The following MSTO1 variants were observed in gnomAD, a reference collection of about 807,000 sequenced individuals.
MSTO1 encodes misato mitochondrial distribution and morphology regulator 1.
A neutral mutation model predicts 55.7 loss-of-function variants in MSTO1; 24 were observed. The observed-to-expected ratio is 0.43, with a 90% CI of 0.31 to 0.61. The LOEUF (loss-of-function observed/expected upper bound fraction) is 0.61. Ranked by LOEUF, MSTO1 falls within the 20% of genes least tolerant of loss-of-function variation. MSTO1 has a pLI of 0.09. For synonymous variants in MSTO1, 162 were observed against 252.8 expected (o/e 0.64, Z 3.41); for missense variants, 363 against 625.7 (o/e 0.58, Z 4.48).
upstream of MSTO1, chr1:155,609,893 C>A: frequency 3.9e-6 from 1 of 257,788 alleles, no homozygotes; most frequent in Middle Eastern, 1.3e-3. Context: ...GCGGAGAGAT[C>A]TGTGAGAAGG....
the MSTO1 span, among the ~76,000 whole-genome samples, chr1:155,572,206 C>T: frequency 3.9e-4 from 59 of 152,214 alleles, no homozygotes; most frequent in Non-Finnish European, 7.8e-4. Context: ...CATACCTGGC[C>T]TCTACTCACT....
the MSTO1 span, among the ~76,000 whole-genome samples, chr1:155,577,017 A>G: frequency 4.9e-5 from 1 of 20,230 alleles, no homozygotes; most frequent in Admixed American, 4.5e-4. Context: ...CTCCGTCTCA[A>G]AAAAAAAAAA....
At chr1:155,606,192 C>T (rs1195472612), upstream of MSTO1, among the ~76,000 whole-genome samples, 1 of 138,628 alleles carries the variant, frequency 7.2e-6, no homozygotes, top group Non-Finnish European at 1.6e-5. Flanking sequence ...GGCCACCATG[C>T]CCAGCCTTTT....
At chr1:155,602,147 G>C in the MSTO1 span, 1 of 710,342 alleles carries the variant, frequency 1.4e-6, no homozygotes, top group Non-Finnish European at 2.7e-6. Context: ...TCAACCTTTA[G>C]AGGTTTCAAC....
At chr1:155,571,073 C>T in the MSTO1 span, among the ~76,000 whole-genome samples, 1 of 152,080 alleles carries the variant, frequency 6.6e-6, no homozygotes, top group African/African-American at 2.4e-5. Flanking sequence ...ATGTATAATC[C>T]CAGCACTTTA....
Position 155,612,171 on chromosome 1 carries a change from C to G in MSTO1, c.679-11C>G, listed in dbSNP as rs1477047792. Reference sequence around the variant, plus strand: ...CCTGCTAACTATCTTTTGTCACTCACCCCCGTCCAGGGCTTCCAGATCCTG... The same window carrying G: ...CCTGCTAACTATCTTTTGTCACTCAGCCCCGTCCAGGGCTTCCAGATCCTG... On this transcript the variant is annotated splice_polypyrimidine_tract_variant and intron_variant, in intron 7 of 13. Coordinates refer to ENST00000245564, the MANE Select transcript of MSTO1 (RefSeq NM_018116.4). 6.2e-7 allele frequency: 1 copy of G among 1,613,838 alleles called. No individual in the cohort carries two copies. Among genetic ancestry groups the G allele is most frequent in the Non-Finnish European group, 8.5e-7 (1 of 1,179,848 alleles).
chr1:155,567,043 T>C, the MSTO1 span, among the ~76,000 whole-genome samples: 1 of 152,098 alleles, frequency 6.6e-6, no homozygotes, highest in African/African-American at 2.4e-5. Context: ...ACTTGTTTTT[T>C]CTAAGATAAA....
chr1:155,605,586 G>C (rs1333065544), upstream of MSTO1, among the ~76,000 whole-genome samples: 2 of 152,184 alleles, frequency 1.3e-5, no homozygotes, highest in Non-Finnish European at 2.9e-5. Flanking sequence ...AGGATGGCTT[G>C]AGTCCTGGAG....
the MSTO1 span, among the ~76,000 whole-genome samples, chr1:155,599,878 G>A: frequency 6.6e-6 from 1 of 152,230 alleles, no homozygotes; most frequent in Admixed American, 6.5e-5. Context: ...ACATCTCAAT[G>A]CTTTACAAAG....
In MSTO1 at chr1:155,610,456, A is replaced by G. The variant is rs1038995915; in HGVS notation, c.116A>G (p.Lys39Arg). Residue 39 changes from lysine to arginine, a missense_variant, in exon 2 of 14, where the codon AAG becomes AGG. Lys to Arg is a conservative substitution (Grantham distance 26). This residue lies in a region of MSTO1 where 94 missense variants were observed against 212.4 expected (regional missense o/e 0.44). Transcript: ENST00000245564. ...DAALGRATDS[K>R]EPPGELCPDV... ...GCGCTGGGCCGAGCGACCGATTCCA[A>G]GGAGCCCCCGGGAGAGCTGTGCCCC... 10 of 833,346 alleles carry G rather than the reference A, an allele frequency of 1.2e-5. No homozygotes were observed. The Admixed American group carries it at 2.0e-4, about 16-fold the overall frequency. 51.6% of individuals were successfully genotyped at this position (833,346 alleles called of 1,614,324 possible). A position where few individuals can be genotyped will look rare whatever the true frequency, so the allele number is the denominator to read the frequency against.
the MSTO1 span, among the ~76,000 whole-genome samples, chr1:155,591,479 CT>C: frequency 6.6e-6 from 1 of 152,156 alleles, no homozygotes; most frequent in East Asian, 1.9e-4. Flanking sequence ...ATATATAAAA[CT>C]TTAAGAACTA....
At chr1:155,599,252 C>T in the MSTO1 span, among the ~76,000 whole-genome samples, 10 of 152,084 alleles carry the variant, frequency 6.6e-5, no homozygotes, top group South Asian at 1.9e-3. Flanking sequence ...ATGATTTCTT[C>T]GTGATATTAC....
upstream of MSTO1, among the ~76,000 whole-genome samples, chr1:155,609,116 C>T (rs1196877642): frequency 6.6e-6 from 1 of 150,944 alleles, no homozygotes; most frequent in Non-Finnish European, 1.5e-5. Flanking sequence ...CGTAAACTAC[C>T]GCACCCGGCC....
chr1:155,584,691 A>AAAAAAGAAAG, the MSTO1 span, among the ~76,000 whole-genome samples: 7 of 75,614 alleles, frequency 9.3e-5, no homozygotes, highest in African/African-American at 9.7e-5. Context: ...AAAAAAAAAA[A>AAAAAAGAAAG]AAAGAAAGAA....
chr1:155,573,311 C>T, the MSTO1 span, among the ~76,000 whole-genome samples: 2 of 152,134 alleles, frequency 1.3e-5, no homozygotes, highest in South Asian at 2.1e-4. Context: ...ATCTATAATC[C>T]CAGCACTTTG....
At chr1:155,579,777 A>T in the MSTO1 span, among the ~76,000 whole-genome samples, 1 of 152,158 alleles carries the variant, frequency 6.6e-6, no homozygotes, top group Admixed American at 6.6e-5. Flanking sequence ...TTCAATCCTT[A>T]GACTAGGTCG....
At chr1:155,576,393 C>G in the MSTO1 span, among the ~76,000 whole-genome samples, 1 of 152,004 alleles carries the variant, frequency 6.6e-6, no homozygotes, top group Non-Finnish European at 1.5e-5. Flanking sequence ...GTGACGCGAT[C>G]TCAGCTCACT....
At chr1:155,612,626 C>T (rs1273338165) in intron 9 of MSTO1, 56 bp downstream of exon 9, 1 of 1,548,502 alleles carries the variant, frequency 6.5e-7, no homozygotes, top group African/African-American at 1.4e-5. Flanking sequence ...TCCTCATGCT[C>T]CCAGTCAGCC....
rs1367428430 is a variant in MSTO1, at chr1:155,613,504, A to G, written c.1326A>G (p.Ala442=). ...CACCTCCACCCTCTGCCCTTCATGCATGTACCACTGGGGAAGAAATCTTGG... is the reference window on the plus strand; with the variant it reads ...CACCTCCACCCTCTGCCCTTCATGCGTGTACCACTGGGGAAGAAATCTTGG... ...PGTPPPSALH[A]CTTGEEILAQ... Residue 442 remains alanine (A), a synonymous_variant, in exon 12 of 14, where the codon GCA becomes GCG. Transcript: ENST00000245564. 8 of 1,613,740 alleles carry G rather than the reference A, an allele frequency of 5.0e-6. No individual in the cohort carries two copies. The highest frequency in any genetic ancestry group is 1.6e-4 in the Middle Eastern group (1 of 6,084).
Sources: allele counts gnomAD v4.1 joint callset (sites outside exome capture counted in the v4.1 genomes callset), GRCh38; gene constraint gnomAD v4.1.1; regional missense constraint gnomAD v4.1.1; transcripts MANE v1.5; gene names NCBI Gene and HGNC (gene_info 2026-07-23, HGNC 2026-07-21).